The following RERE variants were observed in gnomAD, a reference collection of about 807,000 sequenced individuals.
RERE encodes arginine-glutamic acid dipeptide repeats.
RERE carries 40 observed loss-of-function variants against 146.1 expected under a neutral mutation model. The observed-to-expected ratio is 0.27, with a 90% confidence interval of 0.21 to 0.36. The LOEUF is 0.36. Among genes scored for constraint, RERE ranks in the 10% least tolerant of loss-of-function variants. The pLI is 1.00. For missense variants in RERE, 1,933 were observed against 2,138.7 expected (o/e 0.90, Z 1.90); for synonymous variants, 1,003 against 866.0 (o/e 1.16, Z -2.78).
At chr1:8,643,190 G>T (rs1481943552) in intron 2 of RERE, among the ~76,000 whole-genome samples, 1 of 152,194 alleles carries the variant, frequency 6.6e-6, no homozygotes, top group African/African-American at 2.4e-5. Flanking sequence ...CAGGAAGGTG[G>T]AAAGTTAAGA....
intron 11 of RERE, among the ~76,000 whole-genome samples, chr1:8,442,879 T>TA (rs1341338092): frequency 6.6e-6 from 1 of 152,122 alleles, no homozygotes; most frequent in East Asian, 1.9e-4. Context: ...ATGAGGACAT[T>TA]ATTGGGCACT....
intron 10 of RERE, among the ~76,000 whole-genome samples, chr1:8,489,989 G>A (rs978663776): frequency 6.0e-5 from 9 of 150,610 alleles, no homozygotes; most frequent in Non-Finnish European, 8.8e-5. Flanking sequence ...GGCAGAGCTC[G>A]CAGTAAGCGT....
At chr1:8,687,697 C>T (rs986421210) in intron 1 of RERE, among the ~76,000 whole-genome samples, 6 of 152,194 alleles carry the variant, frequency 3.9e-5, no homozygotes, top group Non-Finnish European at 8.8e-5. Context: ...ACACCATATT[C>T]ATAATTGCTT....
chr1:8,758,220 G>A (rs1640683823), intron 1 of RERE, among the ~76,000 whole-genome samples: 1 of 151,632 alleles, frequency 6.6e-6, no homozygotes, highest in Non-Finnish European at 1.5e-5. Context: ...CGAGTAGCTG[G>A]GATTACAGGC....
chr1:8,560,772 C>G (rs1646069055), intron 4 of RERE, among the ~76,000 whole-genome samples: 1 of 152,136 alleles, frequency 6.6e-6, no homozygotes, highest in African/African-American at 2.4e-5. Context: ...GTGGGAGTTA[C>G]TTCTTCACCA....
At chr1:8,639,837 T>C (rs1647153255) in intron 2 of RERE, among the ~76,000 whole-genome samples, 1 of 152,176 alleles carries the variant, frequency 6.6e-6, no homozygotes, top group East Asian at 1.9e-4. Flanking sequence ...AACTGCACAG[T>C]AGCTATGTTT....
At chr1:8,605,784 G>C (rs1389598936) in intron 4 of RERE, among the ~76,000 whole-genome samples, 1 of 101,770 alleles carries the variant, frequency 9.8e-6, no homozygotes, top group South Asian at 3.6e-4. Context: ...CCTAAAAAAA[G>C]TGATAATAGA....
intron 6 of RERE, among the ~76,000 whole-genome samples, chr1:8,546,124 G>A (rs930222557): frequency 1.3e-5 from 2 of 149,748 alleles, no homozygotes; most frequent in Non-Finnish European, 3.0e-5. Flanking sequence ...CCGGTAGCTG[G>A]GACTACAGGT....
At chr1:8,497,607 G>T in intron 8 of RERE, 78 bp from the exon 9 acceptor site, 1 of 1,479,994 alleles carries the variant, frequency 6.8e-7, no homozygotes, top group Non-Finnish European at 9.3e-7. Context: ...CAGTCTTTAG[G>T]AACATATACA....
intron 7 of RERE, among the ~76,000 whole-genome samples, chr1:8,528,128 T>C (rs1169695056): frequency 1.3e-5 from 2 of 152,212 alleles, no homozygotes; most frequent in Non-Finnish European, 2.9e-5. Context: ...ATAGTATGGC[T>C]GGCCAAAATT....
chr1:8,385,056 T>TC (rs1179138016), intron 12 of RERE, among the ~76,000 whole-genome samples: 1 of 152,220 alleles, frequency 6.6e-6, no homozygotes, highest in Non-Finnish European at 1.5e-5. Context: ...TCCTGTGTCC[T>TC]CCATCTTCCT....
chr1:8,495,862 A>G (rs749523237), intron 9 of RERE, among the ~76,000 whole-genome samples: 2 of 152,102 alleles, frequency 1.3e-5, no homozygotes, highest in Non-Finnish European at 2.9e-5. Flanking sequence ...CATATCAACT[A>G]CCTTTAGGTG....
intron 4 of RERE, among the ~76,000 whole-genome samples, chr1:8,586,789 T>C (rs1206678201): frequency 3.2e-5 from 2 of 61,934 alleles, no homozygotes; most frequent in African/African-American, 1.5e-4. Flanking sequence ...AGAACTAAAT[T>C]AGAAAATGTA....
At chr1:8,487,837 C>T (rs966346480) in intron 10 of RERE, among the ~76,000 whole-genome samples, 17 of 152,182 alleles carry the variant, frequency 1.1e-4, no homozygotes, top group African/African-American at 4.1e-4. Context: ...TATCGAAGAC[C>T]ATTTAGAAAT....
At chr1:8,436,720 TTTTA>T (rs1375968068) in intron 11 of RERE, among the ~76,000 whole-genome samples, 2 of 152,224 alleles carry the variant, frequency 1.3e-5, no homozygotes, top group African/African-American at 2.4e-5. Flanking sequence ...AATTTAAATG[TTTTA>T]TTTAACTAAA....
intron 1 of RERE, among the ~76,000 whole-genome samples, chr1:8,782,648 G>GT (rs1349771202): frequency 3.3e-5 from 5 of 152,174 alleles, no homozygotes; most frequent in Admixed American, 6.5e-5. Flanking sequence ...GCTCACACCT[G>GT]TAATCCCAGC....
At chr1:8,807,909 T>C (rs1372180230) in intron 1 of RERE, among the ~76,000 whole-genome samples, 3 of 152,178 alleles carry the variant, frequency 2.0e-5, no homozygotes, top group Middle Eastern at 3.2e-3. Context: ...TTTACATTGG[T>C]ATTTTGGCCA....
chr1:8,498,434 G>A (rs540248024), intron 8 of RERE, among the ~76,000 whole-genome samples: 5 of 151,420 alleles, frequency 3.3e-5, no homozygotes, highest in South Asian at 2.1e-4. Flanking sequence ...GGTGGCTCAC[G>A]CCTATAATCC....
rs1268767641 is a variant in RERE at position 8,723,578 on chromosome 1, C to CT, written c.-144-67138dup. ...TTGAGTTCTATTAATTCAGACTGTG[C>CT]TATGTACACTGAAATTTTGTCTTAG... On this transcript the variant is annotated intron_variant, in intron 1 of 22. Coordinates refer to ENST00000400908, the MANE Select transcript of RERE (RefSeq NM_001042681.2). 2.6e-5 allele frequency among the ~76,000 whole-genome samples: 4 copies of CT among 152,136 alleles called. No individual in the cohort carries two copies. The East Asian group carries it at 7.7e-4, about 29-fold the overall frequency.
Sources: allele counts gnomAD v4.1 joint callset (sites outside exome capture counted in the v4.1 genomes callset), GRCh38; gene constraint gnomAD v4.1.1; transcripts MANE v1.5; gene names NCBI Gene and HGNC (gene_info 2026-07-23, HGNC 2026-07-21).